C2CD4A: variants seen among roughly 807,000 people sequenced by gnomAD.
C2CD4A encodes the protein C2 calcium dependent domain containing 4A, also known as C2 calcium-dependent domain-containing protein 4A.
In C2CD4A, 2 loss-of-function variants were observed where a neutral mutation model predicts 0.4. The observed-to-expected ratio is 4.45, with a 90% CI of 1.82 to 13.99. The LOEUF (loss-of-function observed/expected upper bound fraction) is 13.99, where lower values mean the gene tolerates loss of function less well. Ranked by LOEUF, C2CD4A falls within the 30% of genes most tolerant of loss-of-function variation. The probability of loss-of-function intolerance (pLI) is 0.04; values close to 1 mark genes in which losing one functional copy is unlikely to be tolerated. For synonymous variants in C2CD4A, 297 were observed against 280.8 expected (o/e 1.06, Z -0.58); for missense variants, 610 against 574.2 (o/e 1.06, Z -0.64).
rs748785660 is a variant in C2CD4A, at chr15:62,067,820, C to G, written c.207C>G (p.Val69=). ...TGGCTGCGCTCCGGAATTCTTGGGT[C>G]GAAGAAGCAGGGATGGACGAGGGCG... is the stretch of plus-strand genomic sequence containing the variant. The part of the protein sequence containing the change: ...LALAALRNSW[V]EEAGMDEGAG... Residue 69 remains valine (V), a synonymous_variant, in exon 2 of 2, where the codon GTC becomes GTG. Transcript: ENST00000355522. The G allele has an allele frequency of 7.8e-5, 126 of 1,611,564 alleles. No homozygotes were observed. The highest frequency in any genetic ancestry group is 1.1e-4 in the Non-Finnish European group (124 of 1,179,834).
At position 62,068,445 on chromosome 15, in the gene C2CD4A, GA is replaced by G. The variant is rs1451835198; in HGVS notation, c.833del (p.Glu278GlyfsTer109). 2 of 1,417,044 alleles carry G rather than the reference GA, an allele frequency of 1.4e-6. No homozygotes were observed. Among genetic ancestry groups the G allele is most frequent in the East Asian group, 6.0e-5 (2 of 33,384 alleles). The allele number at this position is 1,417,044 out of a possible 1,614,324, so 87.8% of individuals were successfully genotyped here. A position where few individuals can be genotyped will look rare whatever the true frequency, so the allele number is the denominator to read the frequency against. The part of the protein sequence containing the change: ...GRLRLRLLRA[E>X]SPAGGAPGPR... ...GCTCCGCCTCCGGCTGCTCCGCGCC[GA>G]GAGCCCGGCCGGAGGCGCCCCCGGG... On this transcript the variant is annotated frameshift_variant, in exon 2 of 2. Transcript: ENST00000355522.
rs947186213 is a variant in C2CD4A at position 62,068,168 on chromosome 15, C to T, written c.555C>T (p.Pro185=). ...RPRGCRLLRV[P]DGLLSRALRA... is the part of the protein sequence containing the mutation. ...GCGGCTGCCGCCTCCTGCGCGTCCC[C>T]GACGGGCTGCTGAGTCGCGCGCTGC... is the stretch of plus-strand genomic sequence containing the variant. Residue 185 remains proline (P), a synonymous_variant, in exon 2 of 2, where the codon CCC becomes CCT. Transcript: ENST00000355522. 21 of 1,244,418 alleles carry T rather than the reference C, an allele frequency of 1.7e-5. No individual in the cohort carries two copies. The Admixed American group carries it at 7.2e-4, about 43-fold the overall frequency. The allele number at this position is 1,244,418 out of a possible 1,614,324, so 77.1% of individuals were successfully genotyped here.
chr15:62,067,681 C>A lies in C2CD4A; in HGVS notation c.68C>A (p.Pro23Gln), dbSNP rs532831689. 42 of 1,607,708 alleles carry A rather than the reference C, an allele frequency of 2.6e-5. No individual in the cohort carries two copies. The South Asian group carries it at 2.9e-4, about 11-fold the overall frequency. The change falls in exon 2 of 2, where the codon CCG becomes CAG. Residue 23 changes from proline to glutamine, a missense_variant. Transcript: ENST00000355522. ...CGGCGGAGCGGAGACTGGCTTCTCC[C>A]GGGTCGGGCCCGCGGAGCCAAGTCT... The part of the protein sequence containing the change: ...CLRRSGDWLL[P>Q]GRARGAKSRT...
Position 62,068,370 on chromosome 15 carries a change from G to A in C2CD4A, c.757G>A (p.Ala253Thr), listed in dbSNP as rs1190813483. 1.5e-6 allele frequency: 2 copies of A among 1,361,452 alleles called. No homozygotes were observed. Among genetic ancestry groups the A allele is most frequent in the South Asian group, 1.8e-5 (1 of 56,964 alleles). The allele number at this position is 1,361,452 out of a possible 1,614,324, so 84.3% of individuals were successfully genotyped here. Residue 253 changes from alanine (A) to threonine (T), a missense_variant, in exon 2 of 2, where the codon GCC becomes ACC. Physicochemically the swap from Ala to Thr is moderately conservative, Grantham distance 58 (BLOSUM62 0). Transcript: ENST00000355522. ...CGAGGGCACCGTGGCTCTGGGCCGC[G>A]CCGGCGACGCCCTGCGCCTGGCCGC... ...EAEGTVALGR[A>T]GDALRLAAEY...
At position 62,067,841 on chromosome 15, in the gene C2CD4A, G is replaced by T; in HGVS notation, c.228G>T (p.Glu76Asp). 6.2e-7 allele frequency: 1 copy of T among 1,610,142 alleles called. No individual in the cohort carries two copies. Residue 76 changes from glutamate (E) to aspartate (D), a missense_variant, in exon 2 of 2, where the codon GAG becomes GAT. Coordinates refer to ENST00000355522, the MANE Select transcript of C2CD4A (RefSeq NM_207322.3). ...NSWVEEAGMD[E>D]GAGRTDWDPR... ...GGGTCGAAGAAGCAGGGATGGACGA[G>T]GGCGCCGGCCGCACAGACTGGGACC...
Position 62,069,033 on chromosome 15 carries a change from C to A in C2CD4A, c.*310C>A. On this transcript the variant is annotated 3_prime_UTR_variant, in exon 2 of 2. Transcript: ENST00000355522. ...GTGTTAGAACTAGAAAGTGTCTTGG[C>A]GATCTGTTTGCTCCAATCACCTCAT... is the stretch of plus-strand genomic sequence containing the variant. 1 of 329,820 alleles carries A rather than the reference C, an allele frequency of 3.0e-6. No individual in the cohort carries two copies. Among genetic ancestry groups the A allele is most frequent in the African/African-American group, 2.1e-5 (1 of 46,824 alleles). 20.4% of individuals were successfully genotyped at this position (329,820 alleles called of 1,614,324 possible).
In C2CD4A at chr15:62,067,836, G is replaced by C. The variant is rs762303298; in HGVS notation, c.223G>C (p.Asp75His). The stretch of plus-strand genomic sequence containing the variant: ...TTCTTGGGTCGAAGAAGCAGGGATG[G>C]ACGAGGGCGCCGGCCGCACAGACTG... ...RNSWVEEAGMDEGAGRTDWDP... is the reference protein window; with the variant it reads ...RNSWVEEAGMHEGAGRTDWDP... Residue 75 changes from aspartate (D) to histidine (H), a missense_variant, in exon 2 of 2, where the codon GAC becomes CAC. Asp to His is a moderately conservative substitution (Grantham distance 81). Coordinates refer to ENST00000355522, the MANE Select transcript of C2CD4A (RefSeq NM_207322.3). 1.9e-6 allele frequency: 3 copies of C among 1,610,470 alleles called. No homozygotes were observed. The highest frequency in any genetic ancestry group is 2.5e-6 in the Non-Finnish European group (3 of 1,179,774).
At chr15:62,067,518 AAGGAAC>A (rs781204126) in intron 1 of C2CD4A, 61 bp from the exon 2 acceptor site, 47 of 1,331,304 alleles carry the variant, frequency 3.5e-5, no homozygotes, top group Non-Finnish European at 4.5e-5. Context: ...AATAGGAGAA[AAGGAAC>A]AGGATTTACT....
chr15:62,068,643 C>G lies in C2CD4A; in HGVS notation c.1030C>G (p.Arg344Gly). The G allele has an allele frequency of 1.3e-6, 2 of 1,552,392 alleles. No homozygotes were observed. The highest frequency in any genetic ancestry group is 1.7e-6 in the Non-Finnish European group (2 of 1,147,906). ...VRRLAVRVKARDEGRGRERGR... is the reference protein window; with the variant it reads ...VRRLAVRVKAGDEGRGRERGR... ...CCGCCTGGCCGTTCGAGTCAAGGCC[C>G]GGGACGAGGGCCGCGGCCGGGAGCG... Residue 344 changes from arginine (R) to glycine (G), a missense_variant, in exon 2 of 2, where the codon CGG (arginine) becomes GGG (glycine). By Grantham distance (125) the Arg-to-Gly change is moderately radical. Transcript: ENST00000355522.
In C2CD4A at chr15:62,068,191, T is replaced by A; in HGVS notation, c.578T>A (p.Leu193Gln). Residue 193 changes from leucine to glutamine, a missense_variant, in exon 2 of 2, where the codon CTG becomes CAG. Physicochemically the swap from Leu to Gln is moderately radical, Grantham distance 113 (BLOSUM62 -2). Transcript: ENST00000355522. Reference sequence around the variant, plus strand: ...CCCGACGGGCTGCTGAGTCGCGCGCTGCGGGCTGGGAGGAGTCGCCGCCTG... The same window carrying A: ...CCCGACGGGCTGCTGAGTCGCGCGCAGCGGGCTGGGAGGAGTCGCCGCCTG... The part of the protein sequence containing the change: ...RVPDGLLSRA[L>Q]RAGRSRRLTR... The A allele has an allele frequency of 7.7e-7, 1 of 1,307,030 alleles. No individual in the cohort carries two copies. Among genetic ancestry groups the A allele is most frequent in the South Asian group, 2.2e-5 (1 of 46,032 alleles). 81.0% of individuals were successfully genotyped at this position (1,307,030 alleles called of 1,614,324 possible). A position where few individuals can be genotyped will look rare whatever the true frequency, so the allele number is the denominator to read the frequency against.
In C2CD4A at chr15:62,067,931, C is replaced by A. The variant is rs771564868; in HGVS notation, c.318C>A (p.Cys106Ter). Reference protein sequence around the residue: ...LPRVRTAYGFCALLESPHTRR... With the variant: ...LPRVRTAYGF ...GTGTGCGCACCGCCTACGGCTTCTG[C>A]GCGCTGCTCGAGAGCCCGCACACGC... The change falls in exon 2 of 2, where the codon TGC becomes TGA. Residue 106 changes from cysteine to a stop codon, truncating the protein, a stop_gained. Coordinates refer to ENST00000355522, the MANE Select transcript of C2CD4A (RefSeq NM_207322.3). LOFTEE classifies it low-confidence loss of function (END_TRUNC). The A allele has an allele frequency of 3.8e-6, 6 of 1,575,960 alleles. No homozygotes were observed. The South Asian group carries it at 6.8e-5, about 18-fold the overall frequency.
intron 1 of C2CD4A, among the ~76,000 whole-genome samples, 182 bp from the exon 2 acceptor site, chr15:62,067,403 A>C (rs2049051563): frequency 6.6e-6 from 1 of 152,228 alleles, no homozygotes; most frequent in South Asian, 2.1e-4. Context: ...GGACAAAAGA[A>C]AAACAGTTGT....
In C2CD4A at chr15:62,070,140, C is replaced by G; in HGVS notation, c.*1417C>G. On this transcript the variant is annotated 3_prime_UTR_variant, in exon 2 of 2. Coordinates refer to ENST00000355522, the MANE Select transcript of C2CD4A (RefSeq NM_207322.3). ...TTTAGAGGACGATTTTCCCTCATCC[C>G]TTGAATTCACTGCCAGCAGGGCATT... 2.5e-6 allele frequency: 1 copy of G among 401,560 alleles called. No individual in the cohort carries two copies. The highest frequency in any genetic ancestry group is 4.5e-6 in the Non-Finnish European group (1 of 219,814). 24.9% of individuals were successfully genotyped at this position (401,560 alleles called of 1,614,324 possible). A position where few individuals can be genotyped will look rare whatever the true frequency, so the allele number is the denominator to read the frequency against.
In C2CD4A at chr15:62,070,150, C is replaced by T. The variant is rs1469706407; in HGVS notation, c.*1427C>T. On this transcript the variant is annotated 3_prime_UTR_variant, in exon 2 of 2. Coordinates refer to ENST00000355522, the MANE Select transcript of C2CD4A (RefSeq NM_207322.3). ...GATTTTCCCTCATCCCTTGAATTCA[C>T]TGCCAGCAGGGCATTTTTTTCTTTT... The T allele has an allele frequency of 7.4e-6, 3 of 404,162 alleles. No homozygotes were observed. Among genetic ancestry groups the T allele is most frequent in the Non-Finnish European group, 9.0e-6 (2 of 221,398 alleles). 25.0% of individuals were successfully genotyped at this position (404,162 alleles called of 1,614,324 possible).
In C2CD4A at chr15:62,067,805, C is replaced by A. The variant is rs751867481; in HGVS notation, c.192C>A (p.Leu64=). The part of the protein sequence containing the change: ...RLMPRLALAA[L]RNSWVEEAGM... ...TGCCCCGCCTGGCCTTGGCTGCGCTCCGGAATTCTTGGGTCGAAGAAGCAG... is the reference window on the plus strand; with the variant it reads ...TGCCCCGCCTGGCCTTGGCTGCGCTACGGAATTCTTGGGTCGAAGAAGCAG... Residue 64 remains leucine (L), a synonymous_variant, in exon 2 of 2, where the codon CTC becomes CTA. Coordinates refer to ENST00000355522, the MANE Select transcript of C2CD4A (RefSeq NM_207322.3). The A allele has an allele frequency of 6.2e-7, 1 of 1,612,120 alleles. No individual in the cohort carries two copies. Among genetic ancestry groups the A allele is most frequent in the Admixed American group, 1.7e-5 (1 of 59,988 alleles).
At position 62,069,491 on chromosome 15, in the gene C2CD4A, A is replaced by T; in HGVS notation, c.*768A>T. 1.3e-5 allele frequency: 2 copies of T among 154,036 alleles called. No homozygotes were observed. The allele number at this position is 154,036 out of a possible 1,614,324, so 9.5% of individuals were successfully genotyped here. On this transcript the variant is annotated 3_prime_UTR_variant, in exon 2 of 2. Coordinates refer to ENST00000355522, the MANE Select transcript of C2CD4A (RefSeq NM_207322.3). ...CCAGCTACTCTGGGGCTGAGGCGCA[A>T]GGATCACTTGAGCCTGGGAGGTCAA... is the stretch of plus-strand genomic sequence containing the variant.
rs868095998 is a variant in C2CD4A at position 62,068,272 on chromosome 15, C to G, written c.659C>G (p.Ser220Cys). ...GNEDKERRAG[S>C]QSPARAPSTS... ...GAGGACAAGGAGCGCCGCGCGGGCT[C>G]CCAGTCCCCGGCCCGGGCCCCCTCC... Residue 220 changes from serine (S) to cysteine (C), a missense_variant, in exon 2 of 2, where the codon TCC becomes TGC. Coordinates refer to ENST00000355522, the MANE Select transcript of C2CD4A (RefSeq NM_207322.3). The G allele has an allele frequency of 1.1e-5, 15 of 1,383,552 alleles. No homozygotes were observed. In the South Asian group the frequency reaches 2.0e-4, roughly 19 times the overall value. 85.7% of individuals were successfully genotyped at this position (1,383,552 alleles called of 1,614,324 possible).
At position 62,067,594 on chromosome 15, in the gene C2CD4A, C is replaced by T; in HGVS notation, c.-20C>T. 6.4e-7 allele frequency: 1 copy of T among 1,566,490 alleles called. No individual in the cohort carries two copies. ...CCTTTGTGCACTGCAGGTAGACAAG[C>T]TCCAGCAGAGAGTGGCCAGATGTGG... On this transcript the variant is annotated 5_prime_UTR_variant, in exon 2 of 2. Transcript: ENST00000355522.
Position 62,068,286 on chromosome 15 carries a change from C to G in C2CD4A, c.673C>G (p.Arg225Gly), listed in dbSNP as rs146097394. The change falls in exon 2 of 2, where the codon CGG becomes GGG. Residue 225 changes from arginine to glycine, a missense_variant. By Grantham distance (125) the Arg-to-Gly change is moderately radical. Coordinates refer to ENST00000355522, the MANE Select transcript of C2CD4A (RefSeq NM_207322.3). ...ERRAGSQSPARAPSTSPPSSR... is the reference protein window; with the variant it reads ...ERRAGSQSPAGAPSTSPPSSR... ...CCGCGCGGGCTCCCAGTCCCCGGCCCGGGCCCCCTCCACGAGCCCGCCGTC... is the reference window on the plus strand; with the variant it reads ...CCGCGCGGGCTCCCAGTCCCCGGCCGGGGCCCCCTCCACGAGCCCGCCGTC... 0.069 allele frequency: 97,205 copies of G among 1,403,650 alleles called. 3,725 individuals carry two copies. Among genetic ancestry groups the G allele is most frequent in the Non-Finnish European group, 0.078 (84,514 of 1,079,912 alleles). 86.9% of individuals were successfully genotyped at this position (1,403,650 alleles called of 1,614,324 possible).
Sources: gnomAD v4.1 joint callset for allele counts (sites outside exome capture counted in the v4.1 genomes callset) on GRCh38, gnomAD v4.1.1 for gene constraint, MANE v1.5 for transcripts, NCBI Gene and HGNC (gene_info 2026-07-23, HGNC 2026-07-21) for gene names.